Variants in CTNNA2 observed in about 807,000 individuals in gnomAD.
CTNNA2 encodes the protein catenin alpha-2.
In CTNNA2, 42 loss-of-function variants were observed where a neutral mutation model predicts 101.0. That is an observed-to-expected ratio of 0.42 (90% CI 0.32 to 0.54). The LOEUF (loss-of-function observed/expected upper bound fraction) is 0.54. CTNNA2 is among the 20% of genes least tolerant of loss of function. CTNNA2 has a pLI of 0.14. For missense variants in CTNNA2, 871 were observed against 1,223.1 expected, an observed-to-expected ratio of 0.71 and a Z score of 4.29; for synonymous variants, 450 against 456.4, an observed-to-expected ratio of 0.99 and a Z score of 0.18.
intron 9 of CTNNA2, among the ~76,000 whole-genome samples, chr2:80,458,581 C>T (rs1194466329): frequency 6.6e-6 from 1 of 152,182 alleles, no homozygotes; most frequent in African/African-American, 2.4e-5. Context: ...ACACCTTTCT[C>T]TTTAACCTTG....
intron 16 of CTNNA2, among the ~76,000 whole-genome samples, chr2:80,607,399 T>C (rs1698119496): frequency 2.0e-5 from 3 of 151,846 alleles, no homozygotes; most frequent in South Asian, 4.1e-4. Context: ...TCAGGAGTCA[T>C]GTCAATGTCT....
At chr2:79,750,585 G>A (rs1024650844) in intron 3 of CTNNA2, among the ~76,000 whole-genome samples, 1 of 152,198 alleles carries the variant, frequency 6.6e-6, no homozygotes, top group East Asian at 1.9e-4. Flanking sequence ...GGTAAGGGCC[G>A]GGCGTGGCGA....
chr2:79,982,236 A>G (rs868594353), intron 7 of CTNNA2, among the ~76,000 whole-genome samples: 4 of 96,732 alleles, frequency 4.1e-5, no homozygotes, highest in African/African-American at 1.3e-4. Flanking sequence ...ATATATATAT[A>G]TATATGTATG....
chr2:80,440,753 TA>T (rs1014332518), intron 9 of CTNNA2, among the ~76,000 whole-genome samples: 1 of 152,202 alleles, frequency 6.6e-6, no homozygotes, highest in South Asian at 2.1e-4. Context: ...TGACATCTCT[TA>T]GGGGGATTCT....
intron 7 of CTNNA2, among the ~76,000 whole-genome samples, chr2:80,144,829 C>T (rs942084363): frequency 6.6e-5 from 10 of 152,132 alleles, no homozygotes; most frequent in Non-Finnish European, 1.5e-4. Context: ...TACTCTATGG[C>T]AGAGTTTGTT....
chr2:80,115,412 G>A (rs1188823311), intron 7 of CTNNA2, among the ~76,000 whole-genome samples: 1 of 152,200 alleles, frequency 6.6e-6, no homozygotes, highest in South Asian at 2.1e-4. Flanking sequence ...GACACGTGAA[G>A]AAATGGAGGT....
intron 7 of CTNNA2, among the ~76,000 whole-genome samples, chr2:80,098,684 C>T (rs994953873): frequency 2.0e-5 from 3 of 152,216 alleles, no homozygotes; most frequent in Non-Finnish European, 4.4e-5. Context: ...GCTTTGTTTA[C>T]CTACTCAAGC....
At chr2:80,127,297 T>C (rs1702192690) in intron 7 of CTNNA2, among the ~76,000 whole-genome samples, 1 of 152,168 alleles carries the variant, frequency 6.6e-6, no homozygotes, top group Non-Finnish European at 1.5e-5. Flanking sequence ...GCATATATGT[T>C]TGTTATTCCC....
At chr2:79,740,387 G>A (rs144284429) in intron 2 of CTNNA2, among the ~76,000 whole-genome samples, 14 of 152,224 alleles carry the variant, frequency 9.2e-5, no homozygotes, top group African/African-American at 3.4e-4. Flanking sequence ...GAAGAGCATT[G>A]TTACATAGGA....
At chr2:79,642,394 T>A (rs1680507818) in intron 1 of CTNNA2, among the ~76,000 whole-genome samples, 1 of 152,190 alleles carries the variant, frequency 6.6e-6, no homozygotes, top group Non-Finnish European at 1.5e-5. Context: ...CAATTTTGAA[T>A]AAAAGGGGTG....
At chr2:79,360,870 T>C (rs756241423) in intron 3 of CTNNA2, among the ~76,000 whole-genome samples, 7 of 152,020 alleles carry the variant, frequency 4.6e-5, no homozygotes, top group Admixed American at 1.3e-4. Context: ...GCTTTGAAAA[T>C]AAATTGAGTA....
chr2:79,287,810 A>C (rs1675654889), intron 2 of CTNNA2, among the ~76,000 whole-genome samples: 1 of 152,178 alleles, frequency 6.6e-6, no homozygotes, highest in Non-Finnish European at 1.5e-5. Flanking sequence ...TGTTTACCTA[A>C]GCAAGCCTGG....
intron 3 of CTNNA2, among the ~76,000 whole-genome samples, chr2:79,316,118 T>A (rs1356967055): frequency 6.6e-6 from 1 of 152,112 alleles, no homozygotes. Context: ...AGTATTTTTG[T>A]GTTTGGTGTG....
chr2:80,219,937 G>A (rs540767644), intron 7 of CTNNA2, among the ~76,000 whole-genome samples: 4 of 152,164 alleles, frequency 2.6e-5, no homozygotes, highest in Non-Finnish European at 5.9e-5. Context: ...TATAACAGAT[G>A]TATGTTTATT....
intron 3 of CTNNA2, among the ~76,000 whole-genome samples, chr2:79,778,195 A>C (rs2105183896): frequency 6.6e-6 from 1 of 152,110 alleles, no homozygotes; most frequent in East Asian, 1.9e-4. Flanking sequence ...TACAAAAAAA[A>C]ATTAACCGAG....
chr2:80,484,778 G>A (rs1476350498), intron 9 of CTNNA2, among the ~76,000 whole-genome samples: 5 of 152,232 alleles, frequency 3.3e-5, no homozygotes, highest in South Asian at 2.1e-4. Flanking sequence ...AGGCCAAGGC[G>A]GGCGGATCAC....
intron 12 of CTNNA2, among the ~76,000 whole-genome samples, chr2:80,556,101 G>A (rs1693006465): frequency 6.6e-6 from 1 of 152,128 alleles, no homozygotes; most frequent in African/African-American, 2.4e-5. Context: ...TGCTTTGCAT[G>A]CATATATTTC....
chr2:80,133,885 T>G (rs1400741907), intron 7 of CTNNA2, among the ~76,000 whole-genome samples: 2 of 152,170 alleles, frequency 1.3e-5, no homozygotes, highest in African/African-American at 4.8e-5. Context: ...CTATATGTAC[T>G]GAATTGTGAT....
intron 7 of CTNNA2, among the ~76,000 whole-genome samples, chr2:80,072,499 C>T (rs184708536): frequency 4.2e-4 from 64 of 152,108 alleles, no homozygotes; most frequent in Admixed American, 2.2e-3. Flanking sequence ...GATTTTGTCT[C>T]TGTTTCTCCT....
Sources: gnomAD v4.1 joint callset for allele counts (sites outside exome capture counted in the v4.1 genomes callset) on GRCh38, gnomAD v4.1.1 for gene constraint, MANE v1.5 for transcripts, NCBI Gene and HGNC (gene_info 2026-07-23, HGNC 2026-07-21) for gene names.